LRRC8B: variants seen among roughly 807,000 people sequenced by gnomAD.
The protein encoded by LRRC8B is volume-regulated anion channel subunit LRRC8B.
In LRRC8B, 23 loss-of-function variants were observed where a neutral mutation model predicts 58.8. That is an observed-to-expected ratio of 0.39 (90% CI 0.28 to 0.55). The LOEUF is 0.55. Among genes scored for constraint, LRRC8B ranks in the 20% least tolerant of loss-of-function variants. LRRC8B has a pLI of 0.62. For missense variants in LRRC8B, 694 were observed against 936.0 expected (o/e 0.74, Z 3.37); for synonymous variants, 359 against 374.1 (o/e 0.96, Z 0.47).
intron 3 of LRRC8B, among the ~76,000 whole-genome samples, chr1:89,573,836 TC>T (rs1205884264): frequency 6.6e-6 from 1 of 152,202 alleles, no homozygotes; most frequent in Non-Finnish European, 1.5e-5. Context: ...GTTCATGACT[TC>T]CTACGGTGGG....
At chr1:89,578,310 G>A (rs1653993159) in intron 3 of LRRC8B, among the ~76,000 whole-genome samples, 1 of 152,154 alleles carries the variant, frequency 6.6e-6, no homozygotes, top group Admixed American at 6.5e-5. Flanking sequence ...AAATGCAGCC[G>A]CTATGGAAGA....
At chr1:89,580,627 A>G (rs1282382043) in intron 4 of LRRC8B, among the ~76,000 whole-genome samples, 1 of 152,190 alleles carries the variant, frequency 6.6e-6, no homozygotes, top group African/African-American at 2.4e-5. Flanking sequence ...ACAATTATGT[A>G]AGGCAGAGAG....
At chr1:89,568,951 A>G (rs564867566) in intron 3 of LRRC8B, among the ~76,000 whole-genome samples, 69 of 152,326 alleles carry the variant, frequency 4.5e-4, no homozygotes, top group African/African-American at 1.6e-3. Flanking sequence ...TAGGCAAGCC[A>G]GAAATAAACA....
Position 89,594,295 on chromosome 1 carries a change from T to C in LRRC8B, c.*1252T>C, listed in dbSNP as rs1020063227. The C allele has an allele frequency of 6.6e-6, 1 of 152,152 alleles. No individual in the cohort carries two copies. Among genetic ancestry groups the C allele is most frequent in the Non-Finnish European group, 1.5e-5 (1 of 68,020 alleles). 9.4% of individuals were successfully genotyped at this position (152,152 alleles called of 1,614,324 possible). On this transcript the variant is annotated 3_prime_UTR_variant, in exon 6 of 6. Transcript: ENST00000330947. ...TTTTGTACTCTGCAACTAATTACTT[T>C]TGGATAACAAAAGCCTTGTGTTTAA...
Position 89,558,326 on chromosome 1 carries a change from A to G in LRRC8B, c.-240-9921A>G, listed in dbSNP as rs914245368. ...TAAAACAGAAAGCAAGAGAAGCTGG[A>G]GATCACCACTCTTTCCCCTCACTTC... On this transcript the variant is annotated intron_variant, in intron 1 of 5. Transcript: ENST00000330947. Among the ~76,000 whole-genome samples, 4 of 152,040 alleles carry G rather than the reference A, an allele frequency of 2.6e-5. No individual in the cohort carries two copies. The South Asian group carries it at 8.3e-4, about 32-fold the overall frequency.
chr1:89,592,460 C>T (rs773061190), intron 5 of LRRC8B, among the ~76,000 whole-genome samples: 6 of 152,080 alleles, frequency 3.9e-5, no homozygotes, highest in Admixed American at 6.5e-5. Flanking sequence ...TTTATCTTAA[C>T]GACAATGTGT....
intron 3 of LRRC8B, among the ~76,000 whole-genome samples, chr1:89,577,779 C>T (rs965477737): frequency 5.9e-5 from 9 of 152,088 alleles, no homozygotes; most frequent in African/African-American, 1.9e-4. Context: ...TTATATGTAA[C>T]GGAAGACATT....
At chr1:89,573,030 G>A (rs1431582430) in intron 3 of LRRC8B, among the ~76,000 whole-genome samples, 2 of 152,168 alleles carry the variant, frequency 1.3e-5, no homozygotes, top group African/African-American at 4.8e-5. Context: ...GCCAGGCACG[G>A]TGGTTCACGC....
At chr1:89,529,173 G>T (rs756980759) in intron 1 of LRRC8B, among the ~76,000 whole-genome samples, 1 of 152,108 alleles carries the variant, frequency 6.6e-6, no homozygotes, top group East Asian at 1.9e-4. Flanking sequence ...AGTATCTGGC[G>T]TAAAACATGC....
At chr1:89,552,995 T>C (rs1651933883) in intron 1 of LRRC8B, among the ~76,000 whole-genome samples, 1 of 152,338 alleles carries the variant, frequency 6.6e-6, no homozygotes, top group Non-Finnish European at 1.5e-5. Flanking sequence ...TGATCATATT[T>C]GGTTTCACTT....
intron 1 of LRRC8B, among the ~76,000 whole-genome samples, chr1:89,557,797 C>T (rs1026733440): frequency 6.6e-6 from 1 of 152,104 alleles, no homozygotes. Context: ...GTTGTGTGTT[C>T]CCCTGCTACG....
Position 89,530,453 on chromosome 1 carries a change from T to C in LRRC8B, c.-241+5431T>C, listed in dbSNP as rs569714191. ...GACACTCAGGAATAATCTAATTCTT[T>C]TACAGTTTATTTGGGCTATATTAGC... On this transcript the variant is annotated intron_variant, in intron 1 of 5. Transcript: ENST00000330947. 1.5e-3 allele frequency among the ~76,000 whole-genome samples: 223 copies of C among 152,234 alleles called. 1 individual carries two copies. The highest frequency in any genetic ancestry group is 4.9e-3 in the African/African-American group (205 of 41,554).
At chr1:89,535,090 G>A (rs1049180178) in intron 1 of LRRC8B, among the ~76,000 whole-genome samples, 1 of 152,026 alleles carries the variant, frequency 6.6e-6, no homozygotes, top group Non-Finnish European at 1.5e-5. Context: ...ATTTGAAAAG[G>A]GGAAAAAGAA....
At chr1:89,570,927 G>A (rs1246291318) in intron 3 of LRRC8B, among the ~76,000 whole-genome samples, 3 of 152,120 alleles carry the variant, frequency 2.0e-5, no homozygotes, top group Non-Finnish European at 4.4e-5. Context: ...TTAATCTTCT[G>A]TATATGGCTA....
At chr1:89,567,372 C>T (rs941958645) in intron 1 of LRRC8B, among the ~76,000 whole-genome samples, 4 of 152,112 alleles carry the variant, frequency 2.6e-5, no homozygotes, top group Non-Finnish European at 5.9e-5. Context: ...ACAGCAGTGG[C>T]TTCACCCTAA....
intron 1 of LRRC8B, among the ~76,000 whole-genome samples, chr1:89,547,032 C>T (rs1651457921): frequency 6.6e-6 from 1 of 152,172 alleles, no homozygotes; most frequent in Admixed American, 6.5e-5. Context: ...ATACTCAAAA[C>T]TCTCACTTCC....
intron 1 of LRRC8B, among the ~76,000 whole-genome samples, chr1:89,561,405 G>T (rs1282893254): frequency 7.7e-6 from 1 of 129,060 alleles, no homozygotes; most frequent in Admixed American, 8.4e-5. Flanking sequence ...GATCCCATTT[G>T]TCAATTTTGT....
chr1:89,583,546 A>G lies in LRRC8B; in HGVS notation c.896A>G (p.Tyr299Cys). 8 of 1,612,174 alleles carry G rather than the reference A, an allele frequency of 5.0e-6. No homozygotes were observed. The highest frequency in any genetic ancestry group is 6.8e-6 in the Non-Finnish European group (8 of 1,180,022). ...GTTGATGTGCAGGCTTTTACAGGAT[A>G]TAAGCGCTACCAGTGTGTCTATTCC... Reference protein sequence around the residue: ...CSVDVQAFTGYKRYQCVYSLA... With the variant: ...CSVDVQAFTGCKRYQCVYSLA... The change falls in exon 5 of 6, where the codon TAT (tyrosine) becomes TGT (cysteine). Residue 299 changes from tyrosine (Y) to cysteine (C), a missense_variant. By Grantham distance (194) the Tyr-to-Cys change is radical. Around this residue, in one of 5 missense-constraint regions of LRRC8B, gnomAD observed 316 missense variants for 403.8 expected, o/e 0.78. Transcript: ENST00000330947. This position sits in a 1 kb window ranked among gnomAD's most constrained non-coding sequence, Gnocchi z 5.2.
chr1:89,575,809 C>T (rs1006591623), intron 3 of LRRC8B, among the ~76,000 whole-genome samples: 3 of 152,146 alleles, frequency 2.0e-5, no homozygotes, highest in Non-Finnish European at 4.4e-5. Flanking sequence ...CCTGCCTCTC[C>T]GTGGACCTCT....
Sources: allele counts gnomAD v4.1 joint callset (sites outside exome capture counted in the v4.1 genomes callset), GRCh38; gene constraint gnomAD v4.1.1; regional missense constraint gnomAD v4.1.1; non-coding constraint Gnocchi (gnomAD v3.1); transcripts MANE v1.5; gene names NCBI Gene and HGNC (gene_info 2026-07-23, HGNC 2026-07-21).